MYCBP2: variants seen among roughly 807,000 people sequenced by gnomAD.
The protein encoded by MYCBP2 is MYC binding protein 2.
In MYCBP2, 120 loss-of-function variants were observed where a neutral mutation model predicts 525.3. That is an observed-to-expected ratio of 0.23 (90% confidence interval 0.20 to 0.27). The LOEUF is 0.27. Ranked by LOEUF, MYCBP2 falls within the 10% of genes least tolerant of loss-of-function variation. The pLI, the probability that MYCBP2 is intolerant of heterozygous loss-of-function variation, is 1.00. For missense variants in MYCBP2, 4,149 were observed against 5,657.1 expected, an observed-to-expected ratio of 0.73 and a Z score of 8.55; for synonymous variants, 1,894 against 1,955.8, an observed-to-expected ratio of 0.97 and a Z score of 0.83.
chr13:77,145,887 A>C (rs2055450965), intron 48 of MYCBP2, among the ~76,000 whole-genome samples: 1 of 151,724 alleles, frequency 6.6e-6, no homozygotes, highest in Non-Finnish European at 1.5e-5. Flanking sequence ...ACCCTAAACA[A>C]GTCAATTTAA....
At chr13:77,211,058 C>G (rs1593944120) in intron 23 of MYCBP2, 109 bp downstream of exon 23, 4 of 770,948 alleles carry the variant, frequency 5.2e-6, no homozygotes, top group Non-Finnish European at 5.4e-6. Flanking sequence ...ATTAGATAAA[C>G]AGGAGAGTAC....
intron 21 of MYCBP2, among the ~76,000 whole-genome samples, chr13:77,212,959 C>T (rs1046421332): frequency 6.6e-6 from 1 of 152,124 alleles, no homozygotes; most frequent in Non-Finnish European, 1.5e-5. Context: ...TGGAGCACTG[C>T]GAACACTCTG....
At chr13:77,194,497 T>C (rs1032903329) in intron 26 of MYCBP2, among the ~76,000 whole-genome samples, 15 of 152,190 alleles carry the variant, frequency 9.9e-5, no homozygotes, top group Non-Finnish European at 7.4e-5. Flanking sequence ...TCAAATGCTC[T>C]AAATAGTTCT....
At chr13:77,108,970 G>A (rs753624906) in intron 55 of MYCBP2, among the ~76,000 whole-genome samples, 3 of 152,170 alleles carry the variant, frequency 2.0e-5, no homozygotes, top group Non-Finnish European at 4.4e-5. Context: ...TGGGATTACA[G>A]GCATGAGCCA....
intron 40 of MYCBP2, among the ~76,000 whole-genome samples, chr13:77,166,978 C>T (rs1408389203): frequency 2.5e-4 from 1 of 3,986 alleles, no homozygotes. Flanking sequence ...CACACACATA[C>T]ACACACACAC....
chr13:77,079,319 T>C (rs1435622198), intron 65 of MYCBP2, among the ~76,000 whole-genome samples: 1 of 152,106 alleles, frequency 6.6e-6, no homozygotes, highest in Non-Finnish European at 1.5e-5. Context: ...TCCTTACAGA[T>C]TTGAAGTAGG....
chr13:77,300,689 C>T (rs1028560641), intron 1 of MYCBP2, among the ~76,000 whole-genome samples: 1 of 152,182 alleles, frequency 6.6e-6, no homozygotes, highest in African/African-American at 2.4e-5. Context: ...AAAATAAGCA[C>T]TCCTAAAATT....
intron 55 of MYCBP2, 124 bp from the exon 56 acceptor site, chr13:77,099,137 A>C: frequency 1.6e-6 from 2 of 1,244,406 alleles, no homozygotes; most frequent in Non-Finnish European, 2.2e-6. Context: ...TACATACTAA[A>C]ATACTTGAAG....
chr13:77,089,972 G>C, intron 60 of MYCBP2, 134 bp downstream of exon 60: 1 of 720,378 alleles, frequency 1.4e-6, no homozygotes, highest in Non-Finnish European at 2.1e-6. Context: ...TAGAAGGAAT[G>C]TCAATCACAC....
chr13:77,052,347 C>T (rs2428006), intron 80 of MYCBP2, among the ~76,000 whole-genome samples: 4,452 of 152,204 alleles, frequency 0.029, 136 homozygotes, highest in African/African-American at 0.079. Flanking sequence ...CATAGGTGCA[C>T]GCCACCACAC....
At chr13:77,315,057 A>T (rs972911480) in intron 1 of MYCBP2, among the ~76,000 whole-genome samples, 11 of 152,206 alleles carry the variant, frequency 7.2e-5, no homozygotes, top group African/African-American at 2.7e-4. Flanking sequence ...AAATGAATGA[A>T]CTTCTCCAAA....
Position 77,126,186 on chromosome 13 carries a change from A to G in MYCBP2, c.7884+132T>C, listed in dbSNP as rs185515205. 3.2e-4 allele frequency: 214 copies of G among 665,258 alleles called. 1 individual carries two copies. The East Asian group carries it at 5.2e-3, about 16-fold the overall frequency. 41.2% of individuals were successfully genotyped at this position (665,258 alleles called of 1,614,324 possible). On this transcript the variant is annotated intron_variant, in intron 53 of 82. Coordinates refer to ENST00000544440, the MANE Select transcript of MYCBP2 (RefSeq NM_015057.5). ...AGCACAGAAAAATTATGTATTTGCA[A>G]TACAAGTAAAGATAAAATACATTAA...
intron 21 of MYCBP2, among the ~76,000 whole-genome samples, chr13:77,212,540 G>A (rs1235032098): frequency 6.6e-6 from 1 of 152,100 alleles, no homozygotes. Flanking sequence ...CTTTGACATA[G>A]TAAGTTGATA....
chr13:77,212,023 A>G lies in MYCBP2; in HGVS notation c.3195T>C (p.Ile1065=). 6.2e-7 allele frequency: 1 copy of G among 1,614,118 alleles called. No individual in the cohort carries two copies. The highest frequency in any genetic ancestry group is 8.5e-7 in the Non-Finnish European group (1 of 1,179,980). The change falls in exon 22 of 83, where the codon ATT becomes ATC. Residue 1065 remains isoleucine (I), a synonymous_variant. Transcript: ENST00000544440. ...CATGAGAATTAATAAGTGCTTCATC[A>G]ATTCGTAAAAAAGTTTGGTCCCCAC... is the stretch of plus-strand genomic sequence containing the variant. ...GASGDQTFLR[I]DEALINSHVL... is the part of the protein sequence containing the mutation.
intron 1 of MYCBP2, among the ~76,000 whole-genome samples, chr13:77,307,484 G>T (rs1329168615): frequency 6.6e-6 from 1 of 151,350 alleles, no homozygotes; most frequent in African/African-American, 2.4e-5. Flanking sequence ...AAATTAGCCA[G>T]GCACGGTGGC....
intron 17 of MYCBP2, among the ~76,000 whole-genome samples, chr13:77,242,004 C>A (rs1266247702): frequency 6.6e-6 from 1 of 151,900 alleles, no homozygotes; most frequent in African/African-American, 2.4e-5. Context: ...ACTTCCATAA[C>A]AATTTGTCTT....
chr13:77,139,652 A>G (rs1234633097), intron 51 of MYCBP2, among the ~76,000 whole-genome samples: 1 of 152,214 alleles, frequency 6.6e-6, no homozygotes, highest in Non-Finnish European at 1.5e-5. Flanking sequence ...TCCTTCCCTT[A>G]TATTTATATT....
At chr13:77,287,019 G>T (rs1320468873) in intron 3 of MYCBP2, among the ~76,000 whole-genome samples, 3 of 146,950 alleles carry the variant, frequency 2.0e-5, no homozygotes, top group Non-Finnish European at 3.0e-5. Context: ...CGAGTAGCTG[G>T]GACTACAGGC....
chr13:77,186,850 G>T (rs1435729716), intron 30 of MYCBP2, among the ~76,000 whole-genome samples: 1 of 134,554 alleles, frequency 7.4e-6, no homozygotes, highest in African/African-American at 2.8e-5. Context: ...CTATCACCCA[G>T]ACTGGAATGC....
Sources: allele counts gnomAD v4.1 joint callset (sites outside exome capture counted in the v4.1 genomes callset), GRCh38; gene constraint gnomAD v4.1.1; transcripts MANE v1.5; gene names NCBI Gene and HGNC (gene_info 2026-07-23, HGNC 2026-07-21).